Variants in RSRC1 observed in about 807,000 individuals in gnomAD.
RSRC1 encodes arginine and serine rich coiled-coil 1.
Under a neutral mutation model 49.1 loss-of-function variants are expected in RSRC1, and 39 were observed. The ratio of observed to expected loss-of-function variants is 0.79; its 90% CI spans 0.61 to 1.04. RSRC1 has a LOEUF of 1.04. RSRC1 is among the 50% of genes least tolerant of loss of function. The pLI is 0.00. For missense variants in RSRC1, 388 were observed against 402.4 expected (o/e 0.96, Z 0.31); for synonymous variants, 143 against 130.8 (o/e 1.09, Z -0.63).
At chr3:158,245,910 A>C (rs1723860457) in intron 4 of RSRC1, among the ~76,000 whole-genome samples, 1 of 152,028 alleles carries the variant, frequency 6.6e-6, no homozygotes, top group Non-Finnish European at 1.5e-5. Context: ...TTGCTTGGTA[A>C]ATTTTCCTCC....
intron 5 of RSRC1, among the ~76,000 whole-genome samples, chr3:158,348,983 C>G (rs1730715773): frequency 6.6e-6 from 1 of 152,114 alleles, no homozygotes; most frequent in Non-Finnish European, 1.5e-5. Context: ...TTTTCTTTAT[C>G]CAATCAACTA....
At chr3:158,225,885 T>C (rs991056202) in intron 4 of RSRC1, among the ~76,000 whole-genome samples, 1 of 151,842 alleles carries the variant, frequency 6.6e-6, no homozygotes, top group Non-Finnish European at 1.5e-5. Context: ...AAAGAAAACA[T>C]TGAGATAACA....
rs962426391 is a variant in RSRC1 at position 158,195,247 on chromosome 3, A to G, written c.321-7825A>G. 1.2e-3 allele frequency among the ~76,000 whole-genome samples: 177 copies of G among 152,092 alleles called. 1 individual carries two copies. The highest frequency in any genetic ancestry group is 2.4e-3 in the Non-Finnish European group (164 of 68,028). On this transcript the variant is annotated intron_variant, in intron 3 of 9. Coordinates refer to ENST00000611884, the MANE Select transcript of RSRC1 (RefSeq NM_001271838.2). Reference sequence around the variant, plus strand: ...TTTGATTTGCATTTCTCTGATGGCCAGTGATGATGAGCATTTTTTCATGTG... The same window carrying G: ...TTTGATTTGCATTTCTCTGATGGCCGGTGATGATGAGCATTTTTTCATGTG...
chr3:158,194,116 G>T (rs1453407028), intron 3 of RSRC1, among the ~76,000 whole-genome samples: 1 of 147,992 alleles, frequency 6.8e-6, no homozygotes, highest in South Asian at 2.1e-4. Flanking sequence ...AAAGAAATTA[G>T]CTGAGCATGG....
intron 6 of RSRC1, among the ~76,000 whole-genome samples, chr3:158,427,809 A>G (rs2108351002): frequency 6.6e-6 from 1 of 151,916 alleles, no homozygotes; most frequent in Admixed American, 6.6e-5. Flanking sequence ...TCTATTGACT[A>G]CATAATATTT....
chr3:158,188,370 A>C (rs1183733534), intron 3 of RSRC1, among the ~76,000 whole-genome samples: 1 of 151,818 alleles, frequency 6.6e-6, no homozygotes, highest in Non-Finnish European at 1.5e-5. Context: ...TTTCCATCCA[A>C]CTTCCTTCTC....
chr3:158,508,352 T>A (rs1739969231), intron 7 of RSRC1, among the ~76,000 whole-genome samples: 1 of 152,032 alleles, frequency 6.6e-6, no homozygotes, highest in Non-Finnish European at 1.5e-5. Flanking sequence ...ATCCCTTTTG[T>A]GTGTGTGTCT....
chr3:158,207,088 C>G (rs1379641438), intron 4 of RSRC1, among the ~76,000 whole-genome samples: 1 of 152,102 alleles, frequency 6.6e-6, no homozygotes, highest in East Asian at 1.9e-4. Flanking sequence ...TAATAAACGG[C>G]AGAGTTAGGC....
At chr3:158,445,207 A>G (rs7641954) in intron 6 of RSRC1, among the ~76,000 whole-genome samples, 64,294 of 152,092 alleles carry the variant, frequency 0.42, 14,513 homozygotes, top group South Asian at 0.6. Context: ...ATGCACGGGT[A>G]TGTTTATTGC....
intron 4 of RSRC1, among the ~76,000 whole-genome samples, chr3:158,216,649 C>T (rs550536083): frequency 1.3e-5 from 2 of 151,736 alleles, no homozygotes; most frequent in African/African-American, 4.8e-5. Flanking sequence ...AAATTTCCAG[C>T]CATTGTAATA....
intron 4 of RSRC1, among the ~76,000 whole-genome samples, chr3:158,282,663 T>G (rs1314849492): frequency 1.3e-5 from 2 of 152,220 alleles, no homozygotes; most frequent in African/African-American, 4.8e-5. Flanking sequence ...GAAATTGTTA[T>G]GAACATAGTC....
intron 4 of RSRC1, among the ~76,000 whole-genome samples, chr3:158,288,524 C>G (rs1257325798): frequency 6.6e-6 from 1 of 152,090 alleles, no homozygotes; most frequent in African/African-American, 2.4e-5. Context: ...TGGGAAGTAC[C>G]AGATAGGTAG....
At chr3:158,170,592 C>G (rs1341353597) in intron 3 of RSRC1, among the ~76,000 whole-genome samples, 1 of 152,098 alleles carries the variant, frequency 6.6e-6, no homozygotes, top group African/African-American at 2.4e-5. Context: ...AAAGAAGTGT[C>G]TCATATGCAC....
At chr3:158,484,831 A>C (rs1738755999) in intron 7 of RSRC1, among the ~76,000 whole-genome samples, 1 of 152,136 alleles carries the variant, frequency 6.6e-6, no homozygotes, top group East Asian at 1.9e-4. Flanking sequence ...ACTCAACTGA[A>C]TACTTACTGT....
At chr3:158,229,327 GGTA>G (rs1722793728) in intron 4 of RSRC1, among the ~76,000 whole-genome samples, 1 of 106,284 alleles carries the variant, frequency 9.4e-6, no homozygotes, top group Non-Finnish European at 2.1e-5. Context: ...AACATACACA[GGTA>G]TATGTGTATG....
At chr3:158,392,136 A>G (rs892104621) in intron 6 of RSRC1, among the ~76,000 whole-genome samples, 5 of 152,060 alleles carry the variant, frequency 3.3e-5, no homozygotes, top group African/African-American at 1.2e-4. Context: ...ATAAAAACTG[A>G]TTATAATGTA....
intron 4 of RSRC1, 136 bp from the exon 5 acceptor site, chr3:158,297,903 C>T: frequency 1.6e-6 from 1 of 617,752 alleles, no homozygotes; most frequent in Non-Finnish European, 2.8e-6. Context: ...ATTGTTTTGT[C>T]CTTAAAAACA....
intron 8 of RSRC1, among the ~76,000 whole-genome samples, chr3:158,538,616 G>A (rs888616012): frequency 6.6e-6 from 1 of 151,664 alleles, no homozygotes; most frequent in Admixed American, 6.6e-5. Context: ...CAATACACTG[G>A]GTTTTCTACT....
chr3:158,330,140 C>T (rs769090150), intron 5 of RSRC1, among the ~76,000 whole-genome samples: 1 of 152,216 alleles, frequency 6.6e-6, no homozygotes, highest in Non-Finnish European at 1.5e-5. Flanking sequence ...GTCACCCCTT[C>T]CCTTGGCTAG....
Sources: gnomAD v4.1 joint callset for allele counts (sites outside exome capture counted in the v4.1 genomes callset) on GRCh38, gnomAD v4.1.1 for gene constraint, MANE v1.5 for transcripts, NCBI Gene and HGNC (gene_info 2026-07-23, HGNC 2026-07-21) for gene names.